APC2: variants seen among roughly 807,000 people sequenced by gnomAD.
The protein encoded by APC2 is adenomatous polyposis coli protein 2.
APC2 carries 41 observed loss-of-function variants against 72.5 expected under a neutral mutation model. That is an observed-to-expected ratio of 0.57 (90% CI 0.44 to 0.73). The LOEUF is 0.73. APC2 is among the 30% of genes least tolerant of loss of function. The probability of loss-of-function intolerance (pLI) is 0.00; values close to 1 mark genes in which losing one functional copy is unlikely to be tolerated. For synonymous variants in APC2, 1,898 were observed against 1,612.0 expected, an observed-to-expected ratio of 1.18 and a Z score of -4.25; for missense variants, 3,729 against 3,403.4, an observed-to-expected ratio of 1.10 and a Z score of -2.38.
At chr19:1,456,455 G>A (rs375320252) in intron 8 of APC2, 51 bp downstream of exon 8, 2 of 1,508,446 alleles carry the variant, frequency 1.3e-6, no homozygotes, top group South Asian at 1.3e-5. Flanking sequence ...GGCTGGAAGG[G>A]GGATCAGGTC....
intron 10 of APC2, among the ~76,000 whole-genome samples, chr19:1,459,691 TCCCCGTTGATTTCC>T (rs2083893641): frequency 1.3e-5 from 2 of 152,162 alleles, no homozygotes; most frequent in Admixed American, 1.3e-4. Flanking sequence ...AGGCGCCATC[TCCCCGTTGATTTCC>T]CCCTTTTGTA....
In APC2 at chr19:1,453,453, C is replaced by A. The variant is rs201679326; in HGVS notation, c.255C>A (p.Ser85Arg). ...CAGCCCTACAGATGGACATCACCAGCCTGTACAACCTCAAGTTCCAGCCGC... is the reference window on the plus strand; with the variant it reads ...CAGCCCTACAGATGGACATCACCAGACTGTACAACCTCAAGTTCCAGCCGC... ...QLKALQMDIT[S>R]LYNLKFQPPT... Residue 85 changes from serine to arginine, a missense_variant, in exon 4 of 15, where the codon AGC becomes AGA. Transcript: ENST00000590469. 3.1e-6 allele frequency: 5 copies of A among 1,601,964 alleles called. No homozygotes were observed. Among genetic ancestry groups the A allele is most frequent in the Middle Eastern group, 3.3e-4 (2 of 6,024 alleles).
intron 14 of APC2, among the ~76,000 whole-genome samples, chr19:1,464,047 G>A (rs1269012424): frequency 6.6e-6 from 1 of 151,716 alleles, no homozygotes; most frequent in Non-Finnish European, 1.5e-5. Context: ...GGTGGTGGAC[G>A]CCTGTAATCC....
intron 10 of APC2, among the ~76,000 whole-genome samples, chr19:1,458,893 A>T (rs1277126316): frequency 1.3e-5 from 2 of 152,212 alleles, no homozygotes; most frequent in East Asian, 3.9e-4. Context: ...CGTGTTGCTC[A>T]GGCTGGTCTC....
At chr19:1,455,345 G>A in intron 5 of APC2, 39 bp from the exon 6 acceptor site, 1 of 1,599,110 alleles carries the variant, frequency 6.3e-7, no homozygotes, top group Non-Finnish European at 8.5e-7. Context: ...GCCTGGCCCG[G>A]GCGCCCCTCA....
Position 1,470,414 on chromosome 19 carries a change from C to G in APC2, c.*201C>G, listed in dbSNP as rs1159447965. 1.3e-6 allele frequency: 1 copy of G among 781,906 alleles called. No homozygotes were observed. The highest frequency in any genetic ancestry group is 1.9e-6 in the Non-Finnish European group (1 of 533,546). The allele number at this position is 781,906 out of a possible 1,614,324, so 48.4% of individuals were successfully genotyped here. A position where few individuals can be genotyped will look rare whatever the true frequency, so the allele number is the denominator to read the frequency against. On this transcript the variant is annotated 3_prime_UTR_variant, in exon 15 of 15. Coordinates refer to ENST00000590469, the MANE Select transcript of APC2 (RefSeq NM_005883.3). ...GACCTTGCCTCTGTGCCGCGGAGGT[C>G]CAGGAGGAAACGGGGCGGCCGCTAG...
chr19:1,456,703 T>A, intron 8 of APC2, 150 bp from the exon 9 acceptor site: 1 of 1,070,730 alleles, frequency 9.3e-7, no homozygotes, highest in Non-Finnish European at 1.3e-6. Flanking sequence ...CCGAAGCACG[T>A]GTGCAGCCTC....
In APC2 at chr19:1,460,887, C is replaced by T. The variant is rs2083912110; in HGVS notation, c.1521+30C>T. ...AGGGCGGGGTGCTGGGAAAGCCTTC[C>T]AGGGTGTCCCTGATAGGCAGAGGCC... On this transcript the variant is annotated intron_variant, in intron 12 of 14. Coordinates refer to ENST00000590469, the MANE Select transcript of APC2 (RefSeq NM_005883.3). 9 of 1,611,660 alleles carry T rather than the reference C, an allele frequency of 5.6e-6. No individual in the cohort carries two copies. In the East Asian group the frequency reaches 2.0e-4, roughly 36 times the overall value.
At position 1,465,746 on chromosome 19, in the gene APC2, G is replaced by T. The variant is rs749219068; in HGVS notation, c.2445G>T (p.Ala815=). 3 of 1,539,342 alleles carry T rather than the reference G, an allele frequency of 1.9e-6. No individual in the cohort carries two copies. The highest frequency in any genetic ancestry group is 1.2e-5 in the South Asian group (1 of 81,932). Residue 815 remains alanine (A), a synonymous_variant, in exon 15 of 15, where the codon GCG becomes GCT. Transcript: ENST00000590469. ...GCAGCCCCTTCCTGCAGGGGCAGGC[G>T]CTGGCTCGCACCCCGCCCACCCGCC... The part of the protein sequence containing the change: ...FLGSPFLQGQ[A]LARTPPTRRG...
Position 1,468,667 on chromosome 19 carries a change from G to C in APC2, c.5366G>C (p.Arg1789Pro). ...ACGCCCGGGGTGCCAGCTGTGCTCC[G>C]GGGACGAACAGTGATCTACGTCCCC... ...KTTPGVPAVLRGRTVIYVPSP... is the reference protein window; with the variant it reads ...KTTPGVPAVLPGRTVIYVPSP... Residue 1789 changes from arginine (R) to proline (P), a missense_variant, in exon 15 of 15, where the codon CGG (arginine) becomes CCG (proline). By Grantham distance (103) the Arg-to-Pro change is moderately radical (BLOSUM62 -2). Transcript: ENST00000590469. 1 of 1,579,952 alleles carries C rather than the reference G, an allele frequency of 6.3e-7. No individual in the cohort carries two copies. Among genetic ancestry groups the C allele is most frequent in the Non-Finnish European group, 8.6e-7 (1 of 1,160,816 alleles).
chr19:1,458,368 G>A, intron 10 of APC2: 1 of 395,656 alleles, frequency 2.5e-6, no homozygotes, highest in Non-Finnish European at 4.6e-6. Flanking sequence ...ATAGAAGACA[G>A]GCCCAGAATT....
At chr19:1,449,816 TC>T (rs1010328882), upstream of APC2, among the ~76,000 whole-genome samples, 3 of 152,244 alleles carry the variant, frequency 2.0e-5, no homozygotes, top group African/African-American at 7.2e-5. Flanking sequence ...TGATGTAACA[TC>T]CAGGATTTGA....
chr19:1,456,941 C>T lies in APC2; in HGVS notation c.905C>T (p.Pro302Leu). 1 of 1,554,636 alleles carries T rather than the reference C, an allele frequency of 6.4e-7. No homozygotes were observed. The highest frequency in any genetic ancestry group is 8.6e-7 in the Non-Finnish European group (1 of 1,157,986). The change falls in exon 9 of 15, where the codon CCC becomes CTC. Residue 302 changes from proline (P) to leucine (L), a missense_variant. Pro to Leu is a moderately conservative substitution (Grantham distance 98). Transcript: ENST00000590469. ...ACGCTGCTGGCCATGTCCAGCTCGC[C>T]CGAGAGCTGCGTGGCCATGCGCCGC... ...ARTLLAMSSS[P>L]ESCVAMRRSG...
chr19:1,464,813 AAG>A (rs975950161), intron 14 of APC2, among the ~76,000 whole-genome samples: 11 of 151,106 alleles, frequency 7.3e-5, no homozygotes, highest in East Asian at 3.9e-4. Context: ...TTGTATTTTT[AAG>A]AGAGAGAGGG....
At chr19:1,448,852 A>G (rs2145170277), upstream of APC2, among the ~76,000 whole-genome samples, 1 of 149,310 alleles carries the variant, frequency 6.7e-6, no homozygotes, top group Non-Finnish European at 1.5e-5. Flanking sequence ...TCAAAAAAAA[A>G]AAAAAGAAAA....
intron 6 of APC2, 27 bp downstream of exon 6, chr19:1,455,527 C>T: frequency 6.3e-7 from 1 of 1,581,030 alleles, no homozygotes. Context: ...GGTGGCGCGG[C>T]GGTAGGCGGG....
At chr19:1,458,607 G>C (rs2083875796) in intron 10 of APC2, 1 of 155,694 alleles carries the variant, frequency 6.4e-6, no homozygotes, top group Middle Eastern at 3.1e-3. Context: ...GGGAGGCTGA[G>C]GTGGGAGGAT....
At position 1,469,162 on chromosome 19, in the gene APC2, G is replaced by T. The variant is rs1265114194; in HGVS notation, c.5861G>T (p.Arg1954Met). The change falls in exon 15 of 15, where the codon AGG (arginine) becomes ATG (methionine). Residue 1954 changes from arginine (R) to methionine (M), a missense_variant. Physicochemically the swap from Arg to Met is moderately conservative, Grantham distance 91. Transcript: ENST00000590469. The stretch of plus-strand genomic sequence containing the variant: ...CGGGCAGTCCCGGAGCCGGGCCCCA[G>T]GGGCCGGGCGGGGACCGAGGCGGGC... ...LARAVPEPGP[R>M]GRAGTEAGPG... 83 of 1,275,534 alleles carry T rather than the reference G, an allele frequency of 6.5e-5. No individual in the cohort carries two copies. The highest frequency in any genetic ancestry group is 7.9e-5 in the Non-Finnish European group (80 of 1,011,670). The allele number at this position is 1,275,534 out of a possible 1,614,324, so 79.0% of individuals were successfully genotyped here. A position where few individuals can be genotyped will look rare whatever the true frequency, so the allele number is the denominator to read the frequency against.
chr19:1,456,257 G>C, intron 7 of APC2, 49 bp from the exon 8 acceptor site: 4 of 1,572,176 alleles, frequency 2.5e-6, no homozygotes, highest in Non-Finnish European at 3.4e-6. Flanking sequence ...CGGGTGAGCA[G>C]ACTGGGTGCT....
Sources: gnomAD v4.1 joint callset for allele counts (sites outside exome capture counted in the v4.1 genomes callset) on GRCh38, gnomAD v4.1.1 for gene constraint, MANE v1.5 for transcripts, NCBI Gene and HGNC (gene_info 2026-07-23, HGNC 2026-07-21) for gene names.